TMCC3: variants seen among roughly 807,000 people sequenced by gnomAD.
The protein encoded by TMCC3 is transmembrane and coiled-coil domain family 3, also known as transmembrane and coiled-coil domain protein 3.
Under a neutral mutation model 40.2 loss-of-function variants are expected in TMCC3, and 28 were observed. The observed-to-expected ratio is 0.70, with a 90% CI of 0.52 to 0.95. The LOEUF (loss-of-function observed/expected upper bound fraction) is 0.95, where lower values mean the gene tolerates loss of function less well. Among genes scored for constraint, TMCC3 ranks in the 40% least tolerant of loss-of-function variants. TMCC3 has a pLI of 0.00. For missense variants in TMCC3, 554 were observed against 615.2 expected (o/e 0.90, Z 1.05); for synonymous variants, 255 against 248.5 (o/e 1.03, Z -0.25).
At chr12:94,589,949 A>G (rs1469387703) in intron 1 of TMCC3, among the ~76,000 whole-genome samples, 1 of 152,162 alleles carries the variant, frequency 6.6e-6, no homozygotes, top group Non-Finnish European at 1.5e-5. Context: ...TGCCCTTAAC[A>G]TGGTCATCCA....
Position 94,570,989 on chromosome 12 carries a change from C to G in TMCC3, c.*446G>C. On this transcript the variant is annotated 3_prime_UTR_variant, in exon 4 of 4. Coordinates refer to ENST00000261226, the MANE Select transcript of TMCC3 (RefSeq NM_020698.4). ...GGACCATAGGCCACAGTGTTTAACA[C>G]TGCCCAAGCCTGTGATTCTTCATTC... 5.1e-6 allele frequency: 1 copy of G among 195,722 alleles called. No individual in the cohort carries two copies. The highest frequency in any genetic ancestry group is 1.1e-5 in the Non-Finnish European group (1 of 94,330). 12.1% of individuals were successfully genotyped at this position (195,722 alleles called of 1,614,324 possible).
intron 1 of TMCC3, among the ~76,000 whole-genome samples, chr12:94,606,183 C>T (rs771337129): frequency 2.0e-4 from 31 of 152,120 alleles, no homozygotes; most frequent in African/African-American, 4.8e-5. Context: ...ACTGTGAGAA[C>T]TCTCACTCAG....
chr12:94,643,321 C>A (rs2138886921), intron 1 of TMCC3, among the ~76,000 whole-genome samples: 1 of 152,264 alleles, frequency 6.6e-6, no homozygotes, highest in Non-Finnish European at 1.5e-5. Flanking sequence ...CAAGAGCCTT[C>A]ACAGAAAGAT....
intron 1 of TMCC3, among the ~76,000 whole-genome samples, chr12:94,583,671 C>T (rs1402759055): frequency 6.6e-6 from 1 of 152,144 alleles, no homozygotes; most frequent in African/African-American, 2.4e-5. Context: ...AGACCATATC[C>T]CAGGGTCTAT....
At chr12:94,623,647 C>T (rs981935527) in intron 1 of TMCC3, among the ~76,000 whole-genome samples, 2 of 152,372 alleles carry the variant, frequency 1.3e-5, no homozygotes, top group Admixed American at 1.3e-4. Flanking sequence ...ACAACTACCA[C>T]CACGTCTATA....
chr12:94,603,528 T>G (rs1034471332), intron 1 of TMCC3, among the ~76,000 whole-genome samples: 3 of 152,188 alleles, frequency 2.0e-5, no homozygotes, highest in African/African-American at 7.2e-5. Context: ...CTCACGTGTG[T>G]AATACTTAAT....
chr12:94,600,240 G>GTTTTTTTTT (rs530585319), intron 1 of TMCC3, among the ~76,000 whole-genome samples: 3 of 102,068 alleles, frequency 2.9e-5, no homozygotes, highest in Non-Finnish European at 3.9e-5. Context: ...CCAAATTCTG[G>GTTTTTTTTT]TTTTTTTTTT....
At chr12:94,645,812 AGCATTTCCT>A in intron 1 of TMCC3, among the ~76,000 whole-genome samples, 1 of 152,192 alleles carries the variant, frequency 6.6e-6, no homozygotes, top group Admixed American at 6.5e-5. Flanking sequence ...TGCTCCTGTA[AGCATTTCCT>A]TTGAGCGTCA....
intron 3 of TMCC3, among the ~76,000 whole-genome samples, chr12:94,573,780 G>A (rs1361441880): frequency 6.6e-6 from 1 of 152,136 alleles, no homozygotes; most frequent in Non-Finnish European, 1.5e-5. Flanking sequence ...CAGGGCTTCT[G>A]CATATTCAGT....
intron 1 of TMCC3, among the ~76,000 whole-genome samples, chr12:94,596,237 T>G (rs1191498667): frequency 1.3e-5 from 2 of 152,138 alleles, no homozygotes; most frequent in African/African-American, 2.4e-5. Context: ...TCCTCATATC[T>G]CCATGTCATT....
intron 1 of TMCC3, among the ~76,000 whole-genome samples, chr12:94,597,164 T>TATATATATATATATATATATATATAA (rs1488070684): frequency 2.2e-5 from 2 of 90,462 alleles, no homozygotes; most frequent in East Asian, 7.1e-4. Context: ...TATATGTATA[T>TATATATATATATATATATATATATAA]AAATTAGCCA....
At chr12:94,623,742 A>G (rs1363308871) in intron 1 of TMCC3, among the ~76,000 whole-genome samples, 3 of 152,204 alleles carry the variant, frequency 2.0e-5, no homozygotes, top group Admixed American at 6.5e-5. Flanking sequence ...GGCACCCATT[A>G]CACCCTTCCA....
At chr12:94,592,054 C>A (rs1205522594) in intron 1 of TMCC3, among the ~76,000 whole-genome samples, 1 of 152,238 alleles carries the variant, frequency 6.6e-6, no homozygotes, top group Non-Finnish European at 1.5e-5. Flanking sequence ...GAAAGCTGCA[C>A]TTTCCCCCAC....
At chr12:94,598,546 C>T (rs1451046766) in intron 1 of TMCC3, 1 of 982,176 alleles carries the variant, frequency 1.0e-6, no homozygotes, top group Non-Finnish European at 1.2e-6. Context: ...ACCTTAAATC[C>T]CAAGATACCT....
chr12:94,616,044 A>T (rs1427958661), intron 1 of TMCC3: 2 of 984,980 alleles, frequency 2.0e-6, no homozygotes, highest in Non-Finnish European at 2.4e-6. Context: ...CTACCATATG[A>T]CTCAGCCTGG....
intron 1 of TMCC3, among the ~76,000 whole-genome samples, chr12:94,617,399 G>T (rs1000247878): frequency 6.6e-6 from 1 of 152,116 alleles, no homozygotes; most frequent in Non-Finnish European, 1.5e-5. Flanking sequence ...ACCTTTTTGG[G>T]ACTCTGGTCT....
intron 2 of TMCC3, 70 bp from the exon 3 acceptor site, chr12:94,578,599 C>T (rs2068582289): frequency 6.6e-7 from 1 of 1,514,758 alleles, no homozygotes; most frequent in African/African-American, 1.4e-5. Flanking sequence ...TCCTTTTTAT[C>T]TTCCTGCGCC....
At chr12:94,639,748 C>A (rs1343488094) in intron 1 of TMCC3, among the ~76,000 whole-genome samples, 2 of 85,258 alleles carry the variant, frequency 2.3e-5, no homozygotes, top group Admixed American at 1.2e-4. Context: ...AAAAGGAAGC[C>A]AAAATCAAGA....
intron 1 of TMCC3, among the ~76,000 whole-genome samples, chr12:94,610,437 A>G (rs1251727313): frequency 1.3e-5 from 2 of 151,942 alleles, no homozygotes; most frequent in South Asian, 4.1e-4. Flanking sequence ...GGCAAAAAAA[A>G]AAAAAATTTT....
Sources: allele counts gnomAD v4.1 joint callset (sites outside exome capture counted in the v4.1 genomes callset), GRCh38; gene constraint gnomAD v4.1.1; transcripts MANE v1.5; gene names NCBI Gene and HGNC (gene_info 2026-07-23, HGNC 2026-07-21).